The following CACNA1C variants were observed in gnomAD, a reference collection of about 807,000 sequenced individuals.
The protein encoded by CACNA1C is voltage-dependent L-type calcium channel subunit alpha-1C.
A neutral mutation model predicts 229.0 loss-of-function variants in CACNA1C; 30 were observed. The ratio of observed to expected loss-of-function variants is 0.13; its 90% CI spans 0.10 to 0.18. The LOEUF (loss-of-function observed/expected upper bound fraction) is 0.18. Ranked by LOEUF, CACNA1C falls within the 10% of genes least tolerant of loss-of-function variation. The pLI, the probability that CACNA1C is intolerant of heterozygous loss-of-function variation, is 1.00. For synonymous variants in CACNA1C, 1,114 were observed against 1,132.5 expected (o/e 0.98, Z 0.33); for missense variants, 1,658 against 2,845.0 (o/e 0.58, Z 9.49).
At chr12:2,142,793 A>G (rs1295734872) in intron 3 of CACNA1C, among the ~76,000 whole-genome samples, 1 of 151,314 alleles carries the variant, frequency 6.6e-6, no homozygotes, top group Non-Finnish European at 1.5e-5. Flanking sequence ...TACAAATAGA[A>G]AAAAGCTTAT....
At chr12:2,265,698 G>A (rs1195354579) in intron 3 of CACNA1C, among the ~76,000 whole-genome samples, 1 of 152,214 alleles carries the variant, frequency 6.6e-6, no homozygotes, top group Non-Finnish European at 1.5e-5. Flanking sequence ...TGGTGCAATG[G>A]AATGTGCCTG....
chr12:2,097,363 G>C (rs895522078), intron 1 of CACNA1C, among the ~76,000 whole-genome samples: 2 of 151,994 alleles, frequency 1.3e-5, no homozygotes, highest in Admixed American at 6.6e-5. Flanking sequence ...AGCCAGGATA[G>C]TCTCGATCTC....
At chr12:2,114,883 A>G (rs2083223969) in intron 1 of CACNA1C, among the ~76,000 whole-genome samples, 1 of 152,150 alleles carries the variant, frequency 6.6e-6, no homozygotes, top group South Asian at 2.1e-4. Flanking sequence ...TTCTTAAAAT[A>G]TGTATTTTAA....
At chr12:2,121,997 A>G (rs987922164) in intron 3 of CACNA1C, among the ~76,000 whole-genome samples, 8 of 151,964 alleles carry the variant, frequency 5.3e-5, no homozygotes, top group Non-Finnish European at 1.2e-4. Context: ...TAGCCCCTTC[A>G]CCCCTCGGTT....
chr12:2,529,971 G>A (rs1025703211), intron 9 of CACNA1C, among the ~76,000 whole-genome samples: 1 of 152,166 alleles, frequency 6.6e-6, no homozygotes, highest in Admixed American at 6.5e-5. Context: ...CTTCAAAGGG[G>A]GCAGAGGTTT....
At chr12:2,426,577 C>T (rs927406994) in intron 3 of CACNA1C, among the ~76,000 whole-genome samples, 6 of 152,194 alleles carry the variant, frequency 3.9e-5, no homozygotes, top group African/African-American at 1.2e-4. Context: ...GCTTGTGCTG[C>T]GTAACAAACT....
At chr12:2,004,852 G>A (rs1425240662) in intron 1 of CACNA1C, 5 of 169,388 alleles carry the variant, frequency 3.0e-5, no homozygotes, top group Non-Finnish European at 5.1e-5. Context: ...TGAAGAGAAA[G>A]AGAACTGAAT....
intron 3 of CACNA1C, among the ~76,000 whole-genome samples, chr12:2,405,543 G>A (rs2098727858): frequency 6.6e-6 from 1 of 152,070 alleles, no homozygotes; most frequent in Admixed American, 6.5e-5. Context: ...ACATTTTTTA[G>A]AACTCCATTT....
chr12:2,208,453 T>TA (rs1207644481), intron 3 of CACNA1C, among the ~76,000 whole-genome samples: 4 of 152,160 alleles, frequency 2.6e-5, no homozygotes, highest in African/African-American at 9.7e-5. Flanking sequence ...CCCATGTTAT[T>TA]AACACCTGGC....
chr12:2,447,473 A>G (rs568838139), intron 3 of CACNA1C, among the ~76,000 whole-genome samples: 13 of 152,268 alleles, frequency 8.5e-5, no homozygotes, highest in African/African-American at 3.1e-4. Context: ...GAAATTGTCT[A>G]CGATGCACAT....
intron 11 of CACNA1C, among the ~76,000 whole-genome samples, chr12:2,560,050 A>G (rs1159977876): frequency 6.6e-6 from 1 of 152,188 alleles, no homozygotes; most frequent in African/African-American, 2.4e-5. Flanking sequence ...CTTACTGCCC[A>G]TCTCAGTCTG....
intron 3 of CACNA1C, among the ~76,000 whole-genome samples, chr12:2,228,052 A>T (rs927649307): frequency 6.6e-6 from 1 of 152,170 alleles, no homozygotes; most frequent in Admixed American, 6.5e-5. Flanking sequence ...ATAAAGGGGC[A>T]GCAGGAAGAA....
At chr12:2,066,219 G>C (rs1244065757) in intron 1 of CACNA1C, among the ~76,000 whole-genome samples, 1 of 152,008 alleles carries the variant, frequency 6.6e-6, no homozygotes, top group Non-Finnish European at 1.5e-5. Flanking sequence ...GTTGTATTTG[G>C]AGGCAAGTAG....
At chr12:2,408,332 A>G (rs539808216) in intron 3 of CACNA1C, among the ~76,000 whole-genome samples, 1 of 152,362 alleles carries the variant, frequency 6.6e-6, no homozygotes, top group South Asian at 2.1e-4. Flanking sequence ...TAATTGCACA[A>G]CAATGTAAAT....
intron 6 of CACNA1C, among the ~76,000 whole-genome samples, chr12:2,491,075 A>C (rs372643469): frequency 6.6e-6 from 1 of 152,270 alleles, no homozygotes; most frequent in South Asian, 2.1e-4. Flanking sequence ...TGATATATGC[A>C]GCAGCACGGA....
intron 1 of CACNA1C, among the ~76,000 whole-genome samples, chr12:2,036,615 G>A (rs574999158): frequency 1.4e-4 from 22 of 152,196 alleles, no homozygotes; most frequent in East Asian, 7.8e-4. Context: ...ACAGGCATGC[G>A]CCACCACGCC....
upstream of CACNA1C, among the ~76,000 whole-genome samples, chr12:2,050,485 T>C (rs1474067755): frequency 6.6e-6 from 1 of 152,234 alleles, no homozygotes; most frequent in African/African-American, 2.4e-5. Context: ...TTATTATTCC[T>C]GCACTTGTGT....
In CACNA1C at chr12:2,565,199, T is replaced by C. The variant is rs530481376; in HGVS notation, c.1509-1223T>C. On this transcript the variant is annotated intron_variant, in intron 11 of 46. Coordinates refer to ENST00000399655, the MANE Select transcript of CACNA1C (RefSeq NM_000719.7). ...AATACCCAACCCCGGCCGGGCGCGG[T>C]GGCTCACGCCTGTAATCCCAGCACT... is the stretch of plus-strand genomic sequence containing the variant. Among the ~76,000 whole-genome samples the C allele has an allele frequency of 1.3e-3, 193 of 152,064 alleles. 2 individuals are homozygous for C. Among genetic ancestry groups the C allele is most frequent in the South Asian group, 4.4e-3 (21 of 4,812 alleles).
chr12:2,140,744 T>G (rs2094089912), intron 3 of CACNA1C, among the ~76,000 whole-genome samples: 1 of 151,402 alleles, frequency 6.6e-6, no homozygotes, highest in South Asian at 2.1e-4. Flanking sequence ...ATGCCTACTG[T>G]GTACCAGGCT....
Sources: gnomAD v4.1 joint callset for allele counts (sites outside exome capture counted in the v4.1 genomes callset) on GRCh38, gnomAD v4.1.1 for gene constraint, MANE v1.5 for transcripts, NCBI Gene and HGNC (gene_info 2026-07-23, HGNC 2026-07-21) for gene names.